CDYL2: variants seen among roughly 807,000 people sequenced by gnomAD.
CDYL2 encodes chromodomain Y-like protein 2.
CDYL2 carries 23 observed loss-of-function variants against 49.4 expected under a neutral mutation model. The observed-to-expected ratio is 0.47, with a 90% CI of 0.34 to 0.66. The LOEUF is 0.66. Ranked by LOEUF, CDYL2 falls within the 30% of genes least tolerant of loss-of-function variation. The pLI, the probability that CDYL2 is intolerant of heterozygous loss-of-function variation, is 0.01. For missense variants in CDYL2, 678 were observed against 656.4 expected (o/e 1.03, Z -0.36); for synonymous variants, 360 against 268.8 (o/e 1.34, Z -3.32).
intron 1 of CDYL2, among the ~76,000 whole-genome samples, chr16:80,690,840 G>C (rs1224212260): frequency 6.6e-6 from 1 of 152,092 alleles, no homozygotes; most frequent in Non-Finnish European, 1.5e-5. Context: ...TTCTTCATTG[G>C]TCCAAATGGA....
At chr16:80,713,963 G>A (rs1003405069) in intron 1 of CDYL2, among the ~76,000 whole-genome samples, 2 of 152,146 alleles carry the variant, frequency 1.3e-5, no homozygotes, top group African/African-American at 4.8e-5. Flanking sequence ...TTCCAGACGG[G>A]TCAGCTGCCA....
At chr16:80,732,052 G>C (rs1007516604) in intron 1 of CDYL2, among the ~76,000 whole-genome samples, 2 of 152,164 alleles carry the variant, frequency 1.3e-5, no homozygotes, top group African/African-American at 4.8e-5. Flanking sequence ...GCAAGGCTCT[G>C]TATTCACAGC....
At chr16:80,679,090 C>T (rs1487234149) in intron 2 of CDYL2, among the ~76,000 whole-genome samples, 1 of 121,882 alleles carries the variant, frequency 8.2e-6, no homozygotes, top group African/African-American at 3.3e-5. Flanking sequence ...GGAAGGGGAA[C>T]ATCACACTCT....
chr16:80,616,197 G>C (rs1367681605), intron 4 of CDYL2, among the ~76,000 whole-genome samples: 1 of 152,178 alleles, frequency 6.6e-6, no homozygotes, highest in Non-Finnish European at 1.5e-5. Flanking sequence ...CCTTGGACAG[G>C]GTGCCTGGTC....
chr16:80,621,271 T>G (rs1907073508), intron 3 of CDYL2, among the ~76,000 whole-genome samples: 1 of 152,246 alleles, frequency 6.6e-6, no homozygotes. Context: ...CATTTGCTTA[T>G]TTAGCCCTTT....
At chr16:80,740,017 G>T (rs1905680345) in intron 1 of CDYL2, among the ~76,000 whole-genome samples, 1 of 152,218 alleles carries the variant, frequency 6.6e-6, no homozygotes, top group African/African-American at 2.4e-5. Context: ...GCTGTGGAGG[G>T]TGGTGGGTGC....
chr16:80,681,258 T>G (rs1318637387), intron 2 of CDYL2, among the ~76,000 whole-genome samples: 1 of 152,082 alleles, frequency 6.6e-6, no homozygotes, highest in East Asian at 1.9e-4. Flanking sequence ...TCTGCTGGGC[T>G]AAGATGAGCC....
chr16:80,633,127 C>A lies in CDYL2; in HGVS notation c.726G>T (p.Gln242His), dbSNP rs752989267. 1.2e-6 allele frequency: 2 copies of A among 1,614,236 alleles called. No individual in the cohort carries two copies. Among genetic ancestry groups the A allele is most frequent in the Admixed American group, 3.3e-5 (2 of 60,020 alleles). Residue 242 changes from glutamine to histidine, a missense_variant, in exon 3 of 7, where the codon CAG (glutamine) becomes CAT (histidine). Transcript: ENST00000570137. ...CTCGAAACCGACAGTTGCTTTCATT[C>A]TGGCGGACACTGTATCTGAGCCTTT... is the stretch of plus-strand genomic sequence containing the variant. The part of the protein sequence containing the change: ...FDKRLRYSVR[Q>H]NESNCRFRDI...
At chr16:80,792,137 A>G (rs1055908755) in intron 1 of CDYL2, among the ~76,000 whole-genome samples, 4 of 152,214 alleles carry the variant, frequency 2.6e-5, no homozygotes, top group African/African-American at 9.6e-5. Context: ...CCTAACTTCA[A>G]CTTTTGATAT....
chr16:80,803,562 G>A (rs1229266922), intron 1 of CDYL2, among the ~76,000 whole-genome samples: 1 of 151,306 alleles, frequency 6.6e-6, no homozygotes, highest in Non-Finnish European at 1.5e-5. Context: ...ACCCCGGGGA[G>A]CGGTTTGGCG....
chr16:80,673,133 C>T (rs1434504003), intron 2 of CDYL2, among the ~76,000 whole-genome samples: 1 of 151,800 alleles, frequency 6.6e-6, no homozygotes, highest in African/African-American at 2.4e-5. Flanking sequence ...GCCTGGCCAA[C>T]ATGGTGAAAC....
At chr16:80,679,642 G>A (rs1378645853) in intron 2 of CDYL2, 6 of 455,036 alleles carry the variant, frequency 1.3e-5, no homozygotes, top group Admixed American at 2.4e-5. Flanking sequence ...CAACCTTACA[G>A]CTTTTCATTT....
intron 1 of CDYL2, among the ~76,000 whole-genome samples, chr16:80,710,508 G>C (rs1052801520): frequency 3.3e-5 from 5 of 152,184 alleles, no homozygotes; most frequent in Admixed American, 3.3e-4. Flanking sequence ...GTGTGTTTGT[G>C]TGCATGTGTG....
At chr16:80,663,260 G>T (rs1013265468) in intron 2 of CDYL2, among the ~76,000 whole-genome samples, 1 of 151,172 alleles carries the variant, frequency 6.6e-6, no homozygotes, top group Non-Finnish European at 1.5e-5. Flanking sequence ...GAGCACTTCC[G>T]GTCATCAATC....
chr16:80,803,315 C>G (rs764752019), intron 1 of CDYL2, among the ~76,000 whole-genome samples: 98 of 152,306 alleles, frequency 6.4e-4, no homozygotes, highest in Non-Finnish European at 1.4e-3. Context: ...TCATTAGGAC[C>G]TGGAGCCAGG....
In CDYL2 at chr16:80,600,690, G is replaced by T. The variant is rs1176239880; in HGVS notation, c.*3698C>A. Reference sequence around the variant, plus strand: ...TTCTGCATTTTAAATATTCACTTAGGAAGATTTGAAGATGTTTCTATTTGT... The same window carrying T: ...TTCTGCATTTTAAATATTCACTTAGTAAGATTTGAAGATGTTTCTATTTGT... On this transcript the variant is annotated 3_prime_UTR_variant, in exon 7 of 7. Transcript: ENST00000570137. The T allele has an allele frequency of 6.6e-6, 1 of 152,048 alleles. No individual in the cohort carries two copies. The highest frequency in any genetic ancestry group is 1.5e-5 in the Non-Finnish European group (1 of 68,010). The allele number at this position is 152,048 out of a possible 1,614,324, so 9.4% of individuals were successfully genotyped here.
intron 1 of CDYL2, among the ~76,000 whole-genome samples, chr16:80,746,719 G>A (rs1351644815): frequency 6.6e-6 from 1 of 152,094 alleles, no homozygotes; most frequent in Admixed American, 6.6e-5. Context: ...GTGGGGCAGG[G>A]GGAGGGACAC....
At chr16:80,725,477 C>G (rs1002643903) in intron 1 of CDYL2, among the ~76,000 whole-genome samples, 4 of 152,204 alleles carry the variant, frequency 2.6e-5, no homozygotes, top group Non-Finnish European at 4.4e-5. Flanking sequence ...TGCTGTGTCC[C>G]CAGCATAGCT....
Position 80,735,385 on chromosome 16 carries a change from C to T in CDYL2, c.25-50256G>A, listed in dbSNP as rs1297378397. Among the ~76,000 whole-genome samples, 3 of 152,124 alleles carry T rather than the reference C, an allele frequency of 2.0e-5. No homozygotes were observed. In the East Asian group the frequency reaches 5.8e-4, roughly 29 times the overall value. The stretch of plus-strand genomic sequence containing the variant: ...TCCTTAAAGAGTTTTACAAGTTTTC[C>T]CCTTCTCTATGCATCAGTTTCCTCA... On this transcript the variant is annotated intron_variant, in intron 1 of 6. Coordinates refer to ENST00000570137, the MANE Select transcript of CDYL2 (RefSeq NM_152342.4).
Sources: allele counts gnomAD v4.1 joint callset (sites outside exome capture counted in the v4.1 genomes callset), GRCh38; gene constraint gnomAD v4.1.1; transcripts MANE v1.5; gene names NCBI Gene and HGNC (gene_info 2026-07-23, HGNC 2026-07-21).